GAS7: variants seen among roughly 807,000 people sequenced by gnomAD.
The protein encoded by GAS7 is growth arrest specific 7.
GAS7 carries 28 observed loss-of-function variants against 71.1 expected under a neutral mutation model. The observed-to-expected ratio is 0.39, with a 90% CI of 0.29 to 0.54. GAS7 has a LOEUF of 0.54. GAS7 is among the 20% of genes least tolerant of loss of function. The pLI, the probability that GAS7 is intolerant of heterozygous loss-of-function variation, is 0.62. For synonymous variants in GAS7, 258 were observed against 245.8 expected (o/e 1.05, Z -0.46); for missense variants, 436 against 627.8 (o/e 0.69, Z 3.27).
chr17:10,180,139 G>C (rs1014399499), intron 1 of GAS7, among the ~76,000 whole-genome samples: 1 of 152,046 alleles, frequency 6.6e-6, no homozygotes, highest in African/African-American at 2.4e-5. Context: ...TCAGGAGTTC[G>C]AGACCAGACT....
intron 1 of GAS7, among the ~76,000 whole-genome samples, chr17:10,126,519 GCA>G (rs2073951520): frequency 3.5e-5 from 4 of 112,752 alleles, no homozygotes; most frequent in South Asian, 3.4e-4. Context: ...TATCACACAC[GCA>G]CACACAAGCA....
Position 10,193,701 on chromosome 17 carries a change from A to G in GAS7, c.183+4507T>C, listed in dbSNP as rs138655643. On this transcript the variant is annotated intron_variant, in intron 1 of 13. Transcript: ENST00000432992. Reference sequence around the variant, plus strand: ...AACACTACATGGAGAAAGGCGCCACATGGAAGAACATCAAAGCACCAGACA... The same window carrying G: ...AACACTACATGGAGAAAGGCGCCACGTGGAAGAACATCAAAGCACCAGACA... Among the ~76,000 whole-genome samples the G allele has an allele frequency of 9.4e-3, 1,439 of 152,326 alleles. 6 individuals are homozygous for G. The highest frequency in any genetic ancestry group is 0.016 in the Non-Finnish European group (1,106 of 68,020).
chr17:9,992,887 G>C (rs1287568972), intron 2 of GAS7, among the ~76,000 whole-genome samples: 2 of 151,672 alleles, frequency 1.3e-5, no homozygotes, highest in Non-Finnish European at 2.9e-5. Context: ...AGTTTACTGA[G>C]AATGATGATT....
chr17:10,003,021 AG>A (rs1254625434), intron 2 of GAS7, among the ~76,000 whole-genome samples: 1 of 152,208 alleles, frequency 6.6e-6, no homozygotes, highest in Non-Finnish European at 1.5e-5. Flanking sequence ...TCATTTGCAA[AG>A]ATCTTATTTC....
At chr17:10,151,736 G>A (rs2074168099) in intron 1 of GAS7, among the ~76,000 whole-genome samples, 1 of 151,988 alleles carries the variant, frequency 6.6e-6, no homozygotes, top group Non-Finnish European at 1.5e-5. Context: ...ACAGAGAAAG[G>A]GTTTCCCTAA....
intron 1 of GAS7, among the ~76,000 whole-genome samples, chr17:10,064,013 C>A (rs2073250775): frequency 6.6e-6 from 1 of 152,200 alleles, no homozygotes; most frequent in South Asian, 2.1e-4. Context: ...TTTTCCATTT[C>A]CCAACATGGC....
At chr17:9,947,062 G>C in intron 5 of GAS7, 79 bp from the exon 6 acceptor site, 1 of 906,336 alleles carries the variant, frequency 1.1e-6, no homozygotes, top group Non-Finnish European at 1.8e-6. Flanking sequence ...TGGGGGACAC[G>C]GCACTGGAGC....
At position 9,974,819 on chromosome 17, in the gene GAS7, C is replaced by T. The variant is rs913263915; in HGVS notation, c.386-5057G>A. On this transcript the variant is annotated intron_variant, in intron 3 of 13. Transcript: ENST00000432992. This position sits in a 1 kb window ranked among gnomAD's most constrained non-coding sequence, Gnocchi z 4.0. The stretch of plus-strand genomic sequence containing the variant: ...CGAGAAAGGCCAAGCAACAAAGAAG[C>T]GCCAGCAGCTCCGCCACCCAGGGCT... Among the ~76,000 whole-genome samples, 4 of 152,114 alleles carry T rather than the reference C, an allele frequency of 2.6e-5. No homozygotes were observed. Among genetic ancestry groups the T allele is most frequent in the African/African-American group, 4.8e-5 (2 of 41,436 alleles).
At chr17:9,975,263 G>A (rs1440518649) in intron 3 of GAS7, among the ~76,000 whole-genome samples, 1 of 152,192 alleles carries the variant, frequency 6.6e-6, no homozygotes, top group East Asian at 1.9e-4. Flanking sequence ...GCTGTGGCAG[G>A]AGAATTGCTT....
chr17:10,079,779 T>C (rs2073437576), intron 1 of GAS7, among the ~76,000 whole-genome samples: 1 of 152,232 alleles, frequency 6.6e-6, no homozygotes, highest in Non-Finnish European at 1.5e-5. Context: ...TGGTCACTCA[T>C]ATTTAGCTCA....
chr17:10,011,900 T>C (rs2071786802), intron 2 of GAS7, among the ~76,000 whole-genome samples: 2 of 149,712 alleles, frequency 1.3e-5, no homozygotes, highest in Admixed American at 6.7e-5. Flanking sequence ...CGCTTGAACC[T>C]GGGAGGTGGA....
intron 1 of GAS7, among the ~76,000 whole-genome samples, chr17:10,193,249 A>T (rs1597847372): frequency 8.8e-6 from 1 of 113,530 alleles, no homozygotes; most frequent in Non-Finnish European, 1.7e-5. Context: ...TTAGAAAGAA[A>T]CCTCTAGAGT....
At position 9,975,772 on chromosome 17, in the gene GAS7, C is replaced by T. The variant is rs80318912; in HGVS notation, c.386-6010G>A. Among the ~76,000 whole-genome samples, 645 of 152,268 alleles carry T rather than the reference C, an allele frequency of 4.2e-3. 10 individuals are homozygous for T. Among genetic ancestry groups the T allele is most frequent in the East Asian group, 0.037 (190 of 5,174 alleles). On this transcript the variant is annotated intron_variant, in intron 3 of 13. Transcript: ENST00000432992. ...AGGCCTTTTAGAATATGCTGACATG[C>T]GCTTGAAATCTCAAACAAGGCAACA... is the stretch of plus-strand genomic sequence containing the variant.
Position 9,936,561 on chromosome 17 carries a change from G to T in GAS7, c.807-2317C>A, listed in dbSNP as rs74712449. 7.6e-4 allele frequency among the ~76,000 whole-genome samples: 116 copies of T among 152,250 alleles called. 1 individual carries two copies. Among genetic ancestry groups the T allele is most frequent in the African/African-American group, 2.7e-3 (112 of 41,532 alleles). ...GAAGACATGTCTCCAGACATTCAGA[G>T]GGGCCCCTCTGAGCCAGTGCATCCT... is the stretch of plus-strand genomic sequence containing the variant. On this transcript the variant is annotated intron_variant, in intron 8 of 13. Transcript: ENST00000432992.
Position 9,912,968 on chromosome 17 carries a change from G to A in GAS7, c.*4260C>T, listed in dbSNP as rs1214306743. The stretch of plus-strand genomic sequence containing the variant: ...ATGCCAGACTCAAAAGGCGACATCA[G>A]TGTGACTCCATTTATATGACATTCT... On this transcript the variant is annotated 3_prime_UTR_variant, in exon 14 of 14. Transcript: ENST00000432992. 4.3e-6 allele frequency: 1 copy of A among 232,940 alleles called. No individual in the cohort carries two copies. Among genetic ancestry groups the A allele is most frequent in the Non-Finnish European group, 8.5e-6 (1 of 117,922 alleles). 14.4% of individuals were successfully genotyped at this position (232,940 alleles called of 1,614,324 possible).
intron 8 of GAS7, among the ~76,000 whole-genome samples, chr17:9,935,325 G>C (rs1399233968): frequency 1.3e-5 from 2 of 152,228 alleles, no homozygotes; most frequent in African/African-American, 4.8e-5. Flanking sequence ...GCTTCACGTA[G>C]AAGAAATCTC....
intron 4 of GAS7, among the ~76,000 whole-genome samples, chr17:9,966,815 C>T (rs1306829567): frequency 2.6e-5 from 4 of 152,128 alleles, no homozygotes; most frequent in African/African-American, 9.7e-5. Context: ...CAGTGATCTA[C>T]GATCACCTCC....
At chr17:10,134,101 G>C (rs967236061) in intron 1 of GAS7, among the ~76,000 whole-genome samples, 1 of 151,706 alleles carries the variant, frequency 6.6e-6, no homozygotes, top group Non-Finnish European at 1.5e-5. Context: ...CGCGATCTCC[G>C]CTCACTGCAA....
At chr17:9,980,835 T>A (rs984962505) in intron 3 of GAS7, among the ~76,000 whole-genome samples, 1 of 152,070 alleles carries the variant, frequency 6.6e-6, no homozygotes, top group Non-Finnish European at 1.5e-5. Context: ...GGCTCAAAAT[T>A]GAGTGGTCAG....
Sources: allele counts gnomAD v4.1 joint callset (sites outside exome capture counted in the v4.1 genomes callset), GRCh38; gene constraint gnomAD v4.1.1; non-coding constraint Gnocchi (gnomAD v3.1); transcripts MANE v1.5; gene names NCBI Gene and HGNC (gene_info 2026-07-23, HGNC 2026-07-21).